The following SERPINE2 variants were observed in gnomAD, a reference collection of about 807,000 sequenced individuals.
SERPINE2 encodes glia-derived nexin.
A neutral mutation model predicts 36.3 loss-of-function variants in SERPINE2; 14 were observed. The observed-to-expected ratio is 0.39, with a 90% CI of 0.25 to 0.60. The LOEUF is 0.60. Among genes scored for constraint, SERPINE2 ranks in the 20% least tolerant of loss-of-function variants. The pLI, the probability that SERPINE2 is intolerant of heterozygous loss-of-function variation, is 0.57. For synonymous variants in SERPINE2, 192 were observed against 191.8 expected (o/e 1.00, Z -0.01); for missense variants, 418 against 499.6 (o/e 0.84, Z 1.56).
chr2:223,978,847 C>T (rs1474814558), intron 7 of SERPINE2: 1 of 152,266 alleles, frequency 6.6e-6, no homozygotes, highest in East Asian at 1.9e-4. Flanking sequence ...CCTAACGTAA[C>T]TGTATTTGGA....
At chr2:224,018,330 G>A (rs1691868790) in intron 1 of SERPINE2, among the ~76,000 whole-genome samples, 1 of 152,204 alleles carries the variant, frequency 6.6e-6, no homozygotes, top group Admixed American at 6.5e-5. Context: ...GTTTTAGTGT[G>A]TTAAAGCCAG....
At chr2:224,015,213 C>T (rs1205232593) in intron 1 of SERPINE2, among the ~76,000 whole-genome samples, 1 of 152,196 alleles carries the variant, frequency 6.6e-6, no homozygotes, top group African/African-American at 2.4e-5. Context: ...GGGAAACAGA[C>T]CTTAATCAAA....
intron 3 of SERPINE2, among the ~76,000 whole-genome samples, chr2:223,993,125 T>TA (rs57172417): frequency 0.64 from 93,653 of 146,136 alleles, 29,491 homozygotes; most frequent in Admixed American, 0.73. Context: ...ACCCTGTCTC[T>TA]AAAAAAAATA....
chr2:224,030,007 A>C, intron 1 of SERPINE2: 2 of 963,398 alleles, frequency 2.1e-6, no homozygotes, highest in Non-Finnish European at 2.5e-6. Context: ...CTGGCCCTGC[A>C]TAGACATTTA....
chr2:224,038,590 A>C, intron 1 of SERPINE2: 1 of 1,299,446 alleles, frequency 7.7e-7, no homozygotes, highest in Admixed American at 2.0e-5. Context: ...GGCCAAGTTA[A>C]AGGCTTTCCC....
chr2:224,029,215 C>G (rs1459162240), intron 1 of SERPINE2, among the ~76,000 whole-genome samples: 2 of 152,178 alleles, frequency 1.3e-5, no homozygotes, highest in Non-Finnish European at 1.5e-5. Context: ...ACATTTCAAA[C>G]AGAAAAATCC....
intron 1 of SERPINE2, among the ~76,000 whole-genome samples, chr2:224,009,071 C>A (rs1347173711): frequency 6.6e-6 from 1 of 152,150 alleles, no homozygotes; most frequent in Non-Finnish European, 1.5e-5. Flanking sequence ...GTGACAGCAG[C>A]GAGCCTCCTG....
At chr2:224,003,311 G>C (rs1270966281) in intron 1 of SERPINE2, among the ~76,000 whole-genome samples, 1 of 152,192 alleles carries the variant, frequency 6.6e-6, no homozygotes, top group Non-Finnish European at 1.5e-5. Context: ...GTCCTGTAGA[G>C]CCTGGAAAGG....
At chr2:224,027,256 C>T (rs142050521) in intron 1 of SERPINE2, among the ~76,000 whole-genome samples, 173 of 152,336 alleles carry the variant, frequency 1.1e-3, no homozygotes, top group African/African-American at 4.0e-3. Flanking sequence ...CTGTCACTCA[C>T]CCAGATTCCT....
intron 3 of SERPINE2, among the ~76,000 whole-genome samples, chr2:223,994,034 G>A (rs901501155): frequency 2.0e-5 from 3 of 152,034 alleles, no homozygotes; most frequent in South Asian, 2.1e-4. Context: ...ATTCCTACTT[G>A]CCTTTAAGAC....
intron 4 of SERPINE2, among the ~76,000 whole-genome samples, chr2:223,986,143 G>A (rs1221591919): frequency 1.3e-5 from 2 of 152,210 alleles, no homozygotes; most frequent in Non-Finnish European, 2.9e-5. Flanking sequence ...AAGATACCAA[G>A]AGAGGGAAAG....
At chr2:224,026,105 G>A (rs1029141370) in intron 1 of SERPINE2, among the ~76,000 whole-genome samples, 3 of 152,186 alleles carry the variant, frequency 2.0e-5, no homozygotes, top group African/African-American at 2.4e-5. Context: ...TGATCTTTCT[G>A]CTTCCGCCAG....
At chr2:223,984,689 C>T (rs558217699) in intron 5 of SERPINE2, 63 bp downstream of exon 5, 2 of 1,499,904 alleles carry the variant, frequency 1.3e-6, no homozygotes, top group African/African-American at 2.7e-5. Context: ...TGTCTGGTGT[C>T]CGACATAACA....
chr2:224,000,083 C>T (rs1288527904), intron 2 of SERPINE2, among the ~76,000 whole-genome samples: 2 of 152,164 alleles, frequency 1.3e-5, no homozygotes, highest in African/African-American at 4.8e-5. Context: ...GGGTGCAGAG[C>T]GAGGCACTGA....
At chr2:224,006,416 C>G (rs903733715) in intron 1 of SERPINE2, among the ~76,000 whole-genome samples, 2 of 152,218 alleles carry the variant, frequency 1.3e-5, no homozygotes, top group African/African-American at 4.8e-5. Context: ...CCTTAGCCTC[C>G]ACCTAGCAAC....
intron 1 of SERPINE2, among the ~76,000 whole-genome samples, chr2:224,015,130 G>C (rs541946538): frequency 2.5e-4 from 38 of 152,336 alleles, no homozygotes; most frequent in African/African-American, 8.9e-4. Context: ...CAATGCACAA[G>C]ACAGCCGCCT....
At chr2:223,997,045 C>CTAAGAGTGCACT (rs370263542) in intron 3 of SERPINE2, among the ~76,000 whole-genome samples, 4 of 152,120 alleles carry the variant, frequency 2.6e-5, no homozygotes, top group African/African-American at 9.6e-5. Flanking sequence ...CCACTGCGCT[C>CTAAGAGTGCACT]TAGCCTAAGA....
intron 1 of SERPINE2, among the ~76,000 whole-genome samples, chr2:224,004,603 C>T (rs1008011980): frequency 6.6e-6 from 1 of 152,124 alleles, no homozygotes; most frequent in Non-Finnish European, 1.5e-5. Flanking sequence ...ACCGTGGAAG[C>T]TTTATTCATT....
chr2:224,014,862 G>C (rs1033915870), intron 1 of SERPINE2, among the ~76,000 whole-genome samples: 1 of 152,228 alleles, frequency 6.6e-6, no homozygotes, highest in Non-Finnish European at 1.5e-5. Flanking sequence ...TGGGATGCTA[G>C]AGAGAGAATA....
Sources: gnomAD v4.1 joint callset for allele counts (sites outside exome capture counted in the v4.1 genomes callset) on GRCh38, gnomAD v4.1.1 for gene constraint, MANE v1.5 for transcripts, NCBI Gene and HGNC (gene_info 2026-07-23, HGNC 2026-07-21) for gene names.